The following PPP3CA variants were observed in gnomAD, a reference collection of about 807,000 sequenced individuals.
PPP3CA encodes CAM-PRP catalytic subunit.
In PPP3CA, 14 loss-of-function variants were observed where a neutral mutation model predicts 66.5. That is an observed-to-expected ratio of 0.21 (90% confidence interval 0.14 to 0.33). The LOEUF (loss-of-function observed/expected upper bound fraction) is 0.33. PPP3CA is among the 10% of genes least tolerant of loss of function. The pLI is 1.00. For synonymous variants in PPP3CA, 232 were observed against 226.2 expected, an observed-to-expected ratio of 1.03 and a Z score of -0.23; for missense variants, 317 against 639.5, an observed-to-expected ratio of 0.50 and a Z score of 5.44.
intron 10 of PPP3CA, among the ~76,000 whole-genome samples, chr4:101,057,565 A>G (rs796810728): frequency 5.3e-5 from 8 of 152,282 alleles, no homozygotes; most frequent in African/African-American, 1.7e-4. Context: ...ACTTGCATCT[A>G]GAAAAGTGTG....
chr4:101,131,421 GAAAA>G (rs60025424), intron 2 of PPP3CA, among the ~76,000 whole-genome samples: 1 of 102,490 alleles, frequency 9.8e-6, no homozygotes, highest in Non-Finnish European at 2.1e-5. Context: ...CAAATAGAAA[GAAAA>G]AAAAAAAAAA....
intron 8 of PPP3CA, among the ~76,000 whole-genome samples, chr4:101,078,412 T>C (rs768884600): frequency 1.3e-5 from 2 of 152,236 alleles, no homozygotes; most frequent in Admixed American, 6.5e-5. Context: ...TATTTCTCTT[T>C]CTAATCAAAC....
intron 1 of PPP3CA, among the ~76,000 whole-genome samples, chr4:101,298,328 C>T (rs1328889773): frequency 6.9e-6 from 1 of 144,578 alleles, no homozygotes; most frequent in Admixed American, 6.7e-5. Flanking sequence ...AATACCTATA[C>T]CAAGCAGGGA....
At chr4:101,165,702 A>G (rs1723673677) in intron 2 of PPP3CA, among the ~76,000 whole-genome samples, 1 of 152,202 alleles carries the variant, frequency 6.6e-6, no homozygotes, top group South Asian at 2.1e-4. Flanking sequence ...ATACAAGCAC[A>G]AAGCAGCCTT....
chr4:101,215,909 A>G (rs1288831561), intron 1 of PPP3CA, among the ~76,000 whole-genome samples: 1 of 152,148 alleles, frequency 6.6e-6, no homozygotes, highest in African/African-American at 2.4e-5. Flanking sequence ...TTAAAATTAA[A>G]GTTGTATCAC....
At chr4:101,254,595 C>A (rs1327345116) in intron 1 of PPP3CA, among the ~76,000 whole-genome samples, 3 of 151,834 alleles carry the variant, frequency 2.0e-5, no homozygotes, top group Admixed American at 6.6e-5. Flanking sequence ...ACCCACACAT[C>A]ATTTCAATAC....
At chr4:101,227,871 T>C in intron 1 of PPP3CA, among the ~76,000 whole-genome samples, 1 of 151,764 alleles carries the variant, frequency 6.6e-6, no homozygotes, top group Non-Finnish European at 1.5e-5. Flanking sequence ...GCTCCATCCA[T>C]GTACCCATGT....
chr4:101,316,298 A>AT (rs1728882624), intron 1 of PPP3CA, among the ~76,000 whole-genome samples: 2 of 151,516 alleles, frequency 1.3e-5, no homozygotes, highest in African/African-American at 4.9e-5. Flanking sequence ...ATATAATCAA[A>AT]TTTTTCAAGC....
intron 2 of PPP3CA, among the ~76,000 whole-genome samples, chr4:101,168,808 A>G (rs1723776274): frequency 6.6e-6 from 1 of 152,164 alleles, no homozygotes; most frequent in Admixed American, 6.6e-5. Context: ...ATGCCATACT[A>G]TCCACATGTC....
In PPP3CA at chr4:101,329,554, T is replaced by G. The variant is rs538791424; in HGVS notation, c.58+17185A>C. On this transcript the variant is annotated intron_variant, in intron 1 of 13. Transcript: ENST00000394854. ...ATTTTCAATAGGGATGAAACAGCCT[T>G]CTATTGGAAGAAGATGCTGCCTAGG... 2.3e-4 allele frequency among the ~76,000 whole-genome samples: 35 copies of G among 152,286 alleles called. 1 individual carries two copies. The highest frequency in any genetic ancestry group is 9.2e-4 in the Admixed American group (14 of 15,288).
chr4:101,264,796 G>T (rs1416320748), intron 1 of PPP3CA, among the ~76,000 whole-genome samples: 1 of 152,132 alleles, frequency 6.6e-6, no homozygotes, highest in Non-Finnish European at 1.5e-5. Flanking sequence ...GGGAGGCAAA[G>T]TAAACATAGC....
At chr4:101,346,566 CG>C (rs985471248) in intron 1 of PPP3CA, among the ~76,000 whole-genome samples, 172 bp downstream of exon 1, 4 of 150,864 alleles carry the variant, frequency 2.7e-5, no homozygotes, top group African/African-American at 9.8e-5. Context: ...AAGGGCGCCG[CG>C]GGGGCGGGGG....
chr4:101,347,187 C>G lies in PPP3CA; in HGVS notation c.-391G>C, dbSNP rs759817443. On this transcript the variant is annotated 5_prime_UTR_variant, in exon 1 of 14. Transcript: ENST00000394854. ...AGACCCAGCACCGCGGAATGGAGCC[C>G]CACGCGCGCACACACGGCCAGGATT... The G allele has an allele frequency of 4.5e-4, 160 of 355,260 alleles. No individual in the cohort carries two copies. The highest frequency in any genetic ancestry group is 7.3e-4 in the Non-Finnish European group (140 of 191,104). 22.0% of individuals were successfully genotyped at this position (355,260 alleles called of 1,614,324 possible).
intron 1 of PPP3CA, among the ~76,000 whole-genome samples, chr4:101,230,439 A>C (rs1211786826): frequency 6.6e-6 from 1 of 151,714 alleles, no homozygotes; most frequent in Non-Finnish European, 1.5e-5. Context: ...TTCATTTTTA[A>C]ATGTATGAAT....
At chr4:101,216,118 T>G (rs756495302) in intron 1 of PPP3CA, among the ~76,000 whole-genome samples, 1 of 152,140 alleles carries the variant, frequency 6.6e-6, no homozygotes, top group Non-Finnish European at 1.5e-5. Context: ...CTTTTTGAGA[T>G]GAATTTTTTT....
intron 1 of PPP3CA, among the ~76,000 whole-genome samples, chr4:101,288,772 T>C (rs1201922633): frequency 2.0e-5 from 3 of 152,018 alleles, no homozygotes; most frequent in African/African-American, 2.4e-5. Context: ...TTTAACTTTT[T>C]CCCCCCAAAA....
chr4:101,106,303 T>A (rs1412107761), intron 3 of PPP3CA, among the ~76,000 whole-genome samples: 1 of 149,730 alleles, frequency 6.7e-6, no homozygotes, highest in Admixed American at 6.7e-5. Flanking sequence ...GAAGCCACAG[T>A]GAGCTATGAC....
intron 1 of PPP3CA, among the ~76,000 whole-genome samples, chr4:101,346,525 C>T (rs1018737211): frequency 6.6e-6 from 1 of 152,010 alleles, no homozygotes; most frequent in African/African-American, 2.4e-5. Context: ...ATAAAAATGC[C>T]CCAAGTGAGG....
At chr4:101,261,877 T>G (rs1439897550) in intron 1 of PPP3CA, among the ~76,000 whole-genome samples, 1 of 151,628 alleles carries the variant, frequency 6.6e-6, no homozygotes, top group Non-Finnish European at 1.5e-5. Flanking sequence ...AAAAAAGCTA[T>G]CAAAAGAAAT....
Sources: gnomAD v4.1 joint callset for allele counts (sites outside exome capture counted in the v4.1 genomes callset) on GRCh38, gnomAD v4.1.1 for gene constraint, MANE v1.5 for transcripts, NCBI Gene and HGNC (gene_info 2026-07-23, HGNC 2026-07-21) for gene names.